The following NAE1 variants were observed in gnomAD, a reference collection of about 807,000 sequenced individuals.
The protein encoded by NAE1 is NEDD8-activating enzyme E1 regulatory subunit.
In NAE1, 59 loss-of-function variants were observed where a neutral mutation model predicts 88.0. That is an observed-to-expected ratio of 0.67 (90% CI 0.54 to 0.83). The LOEUF (loss-of-function observed/expected upper bound fraction) is 0.83, where lower values mean the gene tolerates loss of function less well. Among genes scored for constraint, NAE1 ranks in the 40% least tolerant of loss-of-function variants. The pLI, the probability that NAE1 is intolerant of heterozygous loss-of-function variation, is 0.00. For synonymous variants in NAE1, 186 were observed against 208.9 expected (o/e 0.89, Z 0.95); for missense variants, 554 against 632.8 (o/e 0.88, Z 1.34).
intron 19 of NAE1, 181 bp downstream of exon 19, chr16:66,805,596 T>G (rs1959531034): frequency 2.2e-6 from 1 of 449,524 alleles, no homozygotes; most frequent in Non-Finnish European, 3.7e-6. Flanking sequence ...TATGATGGCA[T>G]CAATACACTC....
chr16:66,818,390 A>T, intron 8 of NAE1, 138 bp downstream of exon 8: 1 of 645,622 alleles, frequency 1.5e-6, no homozygotes, highest in Non-Finnish European at 2.5e-6. Context: ...AACAAGGTAA[A>T]ATACTGTTAT....
intron 1 of NAE1, chr16:66,828,180 G>A: frequency 3.3e-6 from 3 of 895,882 alleles, no homozygotes; most frequent in African/African-American, 1.6e-5. Context: ...GATAGTTGGA[G>A]AGTAAATTTA....
intron 3 of NAE1, among the ~76,000 whole-genome samples, chr16:66,825,668 G>A (rs972996434): frequency 6.6e-6 from 1 of 151,902 alleles, no homozygotes; most frequent in African/African-American, 2.4e-5. Flanking sequence ...TCGGTGTATT[G>A]AACCATTTGT....
chr16:66,806,451 G>C (rs553763666), intron 17 of NAE1, among the ~76,000 whole-genome samples: 3 of 151,890 alleles, frequency 2.0e-5, no homozygotes, highest in African/African-American at 4.8e-5. Context: ...TTTTGAGAGA[G>C]AGTCTTGCTG....
chr16:66,829,852 T>A (rs1597053824), intron 1 of NAE1, among the ~76,000 whole-genome samples: 1 of 152,222 alleles, frequency 6.6e-6, no homozygotes, highest in Admixed American at 6.5e-5. Context: ...AACTGAGATG[T>A]GCTGGTAAGT....
chr16:66,823,742 T>C, intron 4 of NAE1, 142 bp from the exon 5 acceptor site: 1 of 683,934 alleles, frequency 1.5e-6, no homozygotes, highest in Non-Finnish European at 2.4e-6. Flanking sequence ...CCTTCTTTTT[T>C]CTTTTTAGAG....
At chr16:66,826,617 T>C in intron 2 of NAE1, 34 bp from the exon 3 acceptor site, 4 of 1,613,908 alleles carry the variant, frequency 2.5e-6, no homozygotes, top group Non-Finnish European at 3.4e-6. Context: ...CAGGAATACA[T>C]AGTTCTAGGT....
chr16:66,806,855 CA>C (rs577298852), intron 17 of NAE1, among the ~76,000 whole-genome samples: 1 of 152,114 alleles, frequency 6.6e-6, no homozygotes, highest in South Asian at 2.1e-4. Context: ...AAAACTAAAG[CA>C]CAGAGAGATT....
chr16:66,814,285 C>A (rs890003360), intron 11 of NAE1, among the ~76,000 whole-genome samples: 5 of 152,082 alleles, frequency 3.3e-5, no homozygotes, highest in Non-Finnish European at 7.3e-5. Context: ...CTAGCAAGAT[C>A]TTCATACGTT....
intron 13 of NAE1, among the ~76,000 whole-genome samples, chr16:66,812,155 G>A (rs1959827538): frequency 6.6e-6 from 1 of 152,130 alleles, no homozygotes; most frequent in Non-Finnish European, 1.5e-5. Context: ...ACAAATACAA[G>A]GTAGTATAGG....
chr16:66,830,970 G>A lies in NAE1; in HGVS notation c.-71C>T. The A allele has an allele frequency of 7.3e-7, 1 of 1,369,156 alleles. No individual in the cohort carries two copies. Among genetic ancestry groups the A allele is most frequent in the South Asian group, 1.4e-5 (1 of 70,022 alleles). The allele number at this position is 1,369,156 out of a possible 1,614,324, so 84.8% of individuals were successfully genotyped here. On this transcript the variant is annotated 5_prime_UTR_variant, in exon 1 of 20. Transcript: ENST00000290810. The stretch of plus-strand genomic sequence containing the variant: ...CGCCACCAGCTCCACAAGCGCGCAG[G>A]CGCACTGAGCGCCCCTTCGCCGCTA...
rs1303496225 is a variant in NAE1, at chr16:66,823,575, A to C, written c.275T>G (p.Phe92Cys). Residue 92 changes from phenylalanine (F) to cysteine (C), a missense_variant, in exon 5 of 20, where the codon TTC becomes TGC. Transcript: ENST00000290810. Reference sequence around the variant, plus strand: ...GACATCGCTATTTAATTCTTGTAAGAATTCCATGGCAGCTTCAGCTCGGTT... The same window carrying C: ...GACATCGCTATTTAATTCTTGTAAGCATTCCATGGCAGCTTCAGCTCGGTT... Reference protein sequence around the residue: ...GKNRAEAAMEFLQELNSDVSG... With the variant: ...GKNRAEAAMECLQELNSDVSG... 1 of 1,609,812 alleles carries C rather than the reference A, an allele frequency of 6.2e-7. No homozygotes were observed. The highest frequency in any genetic ancestry group is 1.1e-5 in the South Asian group (1 of 89,562).
intron 16 of NAE1, 59 bp from the exon 17 acceptor site, chr16:66,808,672 A>C: frequency 8.1e-7 from 1 of 1,228,310 alleles, no homozygotes; most frequent in East Asian, 2.3e-5. Context: ...CAAACAATGA[A>C]GGGCTGAATT....
intron 17 of NAE1, among the ~76,000 whole-genome samples, chr16:66,807,533 G>A (rs1463765598): frequency 3.9e-5 from 6 of 151,966 alleles, no homozygotes; most frequent in East Asian, 1.9e-4. Flanking sequence ...CCAGCTACTC[G>A]GGAGGCTGAG....
intron 6 of NAE1, 141 bp downstream of exon 6, chr16:66,823,086 A>AG (rs1960333600): frequency 2.3e-6 from 1 of 439,886 alleles, no homozygotes; most frequent in East Asian, 4.3e-5. Context: ...CAAAAAAAAA[A>AG]AAAAAAAAAA....
intron 17 of NAE1, among the ~76,000 whole-genome samples, chr16:66,808,035 T>A (rs1404152034): frequency 6.6e-6 from 1 of 152,028 alleles, no homozygotes; most frequent in Non-Finnish European, 1.5e-5. Context: ...AGTCTACAAG[T>A]GCACACCACC....
At chr16:66,825,659 C>G (rs16957040) in intron 3 of NAE1, among the ~76,000 whole-genome samples, 1 of 152,158 alleles carries the variant, frequency 6.6e-6, no homozygotes, top group Admixed American at 6.6e-5. Flanking sequence ...AGACCACTCT[C>G]GGTGTATTGA....
intron 19 of NAE1, among the ~76,000 whole-genome samples, chr16:66,804,173 A>T (rs749197702): frequency 8.5e-5 from 13 of 152,096 alleles, no homozygotes; most frequent in Non-Finnish European, 1.8e-4. Context: ...ATTTGAATAA[A>T]ACCTGAAGGA....
chr16:66,806,138 GAACA>G (rs2145309445), intron 17 of NAE1, 112 bp from the exon 18 acceptor site: 2 of 1,252,734 alleles, frequency 1.6e-6, no homozygotes, highest in Non-Finnish European at 2.1e-6. Flanking sequence ...TGAAACTGAA[GAACA>G]AAAATAACAA....
Sources: allele counts gnomAD v4.1 joint callset (sites outside exome capture counted in the v4.1 genomes callset), GRCh38; gene constraint gnomAD v4.1.1; transcripts MANE v1.5; gene names NCBI Gene and HGNC (gene_info 2026-07-23, HGNC 2026-07-21).